Variants in C2orf92 observed in about 807,000 individuals in gnomAD.
The protein encoded by C2orf92 is chromosome 2 open reading frame 92, also known as uncharacterized protein C2orf92.
chr2:97,698,516 A>G (rs1337739970), intron 5 of C2orf92, among the ~76,000 whole-genome samples: 1 of 152,224 alleles, frequency 6.6e-6, no homozygotes, highest in Admixed American at 6.5e-5. Flanking sequence ...TTTTTATAGT[A>G]CTTCGTGTTT....
chr2:97,679,428 G>A (rs150731975), intron 3 of C2orf92, among the ~76,000 whole-genome samples: 144 of 152,302 alleles, frequency 9.5e-4, no homozygotes, highest in Non-Finnish European at 1.6e-3. Flanking sequence ...TACTATTCAA[G>A]CTAAGTTGTT....
intron 3 of C2orf92, 73 bp downstream of exon 3, chr2:97,676,001 A>T (rs1675565244): frequency 1.0e-5 from 4 of 398,786 alleles, no homozygotes; most frequent in South Asian, 2.6e-4. Flanking sequence ...GTTGTCTCTC[A>T]AGTAGCCTGT....
At chr2:97,694,563 A>G (rs570115488) in intron 5 of C2orf92, 1 of 152,014 alleles carries the variant, frequency 6.6e-6, no homozygotes, top group Admixed American at 6.6e-5. Context: ...CCCGGCCCAG[A>G]ATGTCCTTTC....
At chr2:97,693,519 G>A (rs138762770) in intron 5 of C2orf92, among the ~76,000 whole-genome samples, 154 of 152,300 alleles carry the variant, frequency 1.0e-3, no homozygotes, top group African/African-American at 3.5e-3. Context: ...AAGAATGGGT[G>A]CTGAATTTTT....
chr2:97,694,251 T>TC (rs1266966779), intron 5 of C2orf92, among the ~76,000 whole-genome samples: 4 of 150,752 alleles, frequency 2.7e-5, no homozygotes, highest in Non-Finnish European at 4.4e-5. Flanking sequence ...TTTCTTTCTT[T>TC]TTTTTTTTTT....
At chr2:97,702,386 C>A (rs1456342505) in intron 7 of C2orf92, among the ~76,000 whole-genome samples, 1 of 152,184 alleles carries the variant, frequency 6.6e-6, no homozygotes, top group Admixed American at 6.5e-5. Context: ...CCTCCATGCC[C>A]CTTGAGATGC....
rs1246659254 is a variant in C2orf92, at chr2:97,699,035, C to T, written c.413C>T (p.Ser138Leu). 3 of 398,322 alleles carry T rather than the reference C, an allele frequency of 7.5e-6. No homozygotes were observed. The Admixed American group carries it at 1.3e-4, about 18-fold the overall frequency. 24.7% of individuals were successfully genotyped at this position (398,322 alleles called of 1,614,324 possible). ...VDKIPDKDHLSEEKNFKESCL... is the reference protein window; with the variant it reads ...VDKIPDKDHLLEEKNFKESCL... ...ATTTTATCTTTTGTAGATCACCTTT[C>T]AGAGGAGAAGAATTTTAAAGAATCC... Residue 138 changes from serine to leucine, a missense_variant, in exon 6 of 8, where the codon TCA becomes TTA. Physicochemically the swap from Ser to Leu is moderately radical, Grantham distance 145. Transcript: ENST00000627399.
chr2:97,678,347 C>T (rs1408280523), intron 3 of C2orf92, among the ~76,000 whole-genome samples: 1 of 149,544 alleles, frequency 6.7e-6, no homozygotes, highest in Non-Finnish European at 1.5e-5. Context: ...CTAAAATATA[C>T]ATTATGGGAG....
At chr2:97,686,252 A>T (rs1675956667) in intron 3 of C2orf92, among the ~76,000 whole-genome samples, 4 of 152,196 alleles carry the variant, frequency 2.6e-5, no homozygotes, top group Admixed American at 2.6e-4. Flanking sequence ...TTCCTGTGAT[A>T]ACCATATTAA....
intron 6 of C2orf92, among the ~76,000 whole-genome samples, chr2:97,699,617 A>C (rs1323543601): frequency 6.6e-6 from 1 of 152,126 alleles, no homozygotes; most frequent in Non-Finnish European, 1.5e-5. Flanking sequence ...AAAAATAAAT[A>C]AATAAATAAA....
chr2:97,679,932 A>G (rs1043543425), intron 3 of C2orf92, among the ~76,000 whole-genome samples: 7 of 152,188 alleles, frequency 4.6e-5, no homozygotes, highest in African/African-American at 1.7e-4. Flanking sequence ...TAATGGGGGA[A>G]TGACGAGCAA....
At chr2:97,688,833 G>A in intron 3 of C2orf92, 62 bp from the exon 4 acceptor site, 1 of 398,364 alleles carries the variant, frequency 2.5e-6, no homozygotes, top group Non-Finnish European at 4.4e-6. Flanking sequence ...TAGGTACTTA[G>A]AGAGCAAAAT....
chr2:97,693,937 C>T (rs993355649), intron 5 of C2orf92, among the ~76,000 whole-genome samples: 1 of 152,128 alleles, frequency 6.6e-6, no homozygotes, highest in Non-Finnish European at 1.5e-5. Context: ...CCATCTTAAC[C>T]ATTTTTAAGG....
At chr2:97,689,330 CCTAA>C (rs1276680817) in intron 4 of C2orf92, among the ~76,000 whole-genome samples, 1 of 152,208 alleles carries the variant, frequency 6.6e-6, no homozygotes, top group Non-Finnish European at 1.5e-5. Context: ...CCAGCAGCAT[CCTAA>C]CTTTCAACCC....
chr2:97,684,031 A>ATTTTTT (rs1204247684), intron 3 of C2orf92, among the ~76,000 whole-genome samples: 2 of 107,196 alleles, frequency 1.9e-5, no homozygotes, highest in Non-Finnish European at 3.8e-5. Context: ...TGCCCAGCTA[A>ATTTTTT]TTTTTTTTTT....
rs534610143 is a variant in C2orf92, at chr2:97,701,470, G to T, written c.665+166G>T. Among the ~76,000 whole-genome samples the T allele has an allele frequency of 2.0e-5, 3 of 152,298 alleles. No homozygotes were observed. In the South Asian group the frequency reaches 6.2e-4, roughly 32 times the overall value. ...CTCTGTCAAAGCACACAGGACCTGG[G>T]CCATGGGTTTTCGGCACAGCCTGGG... On this transcript the variant is annotated intron_variant, in intron 7 of 7. Coordinates refer to ENST00000627399, the MANE Select transcript of C2orf92 (RefSeq NM_001351368.2).
intron 3 of C2orf92, among the ~76,000 whole-genome samples, chr2:97,676,247 C>G (rs934501128): frequency 1.3e-5 from 2 of 151,844 alleles, no homozygotes; most frequent in Admixed American, 1.3e-4. Flanking sequence ...GCCTGGCCAA[C>G]ATGGTGAAAC....
At chr2:97,687,273 G>A (rs1240942237) in intron 3 of C2orf92, among the ~76,000 whole-genome samples, 2 of 152,122 alleles carry the variant, frequency 1.3e-5, no homozygotes, top group African/African-American at 2.4e-5. Context: ...AGGCTGAGGC[G>A]GGAGGATTGC....
At chr2:97,674,691 G>T in intron 2 of C2orf92, 134 bp downstream of exon 2, 1 of 394,918 alleles carries the variant, frequency 2.5e-6, no homozygotes, top group Non-Finnish European at 4.5e-6. Context: ...GCCAAACTGA[G>T]ATGTGAAGAA....
Sources: allele counts gnomAD v4.1 joint callset (sites outside exome capture counted in the v4.1 genomes callset), GRCh38; gene constraint gnomAD v4.1.1; transcripts MANE v1.5; gene names NCBI Gene and HGNC (gene_info 2026-07-23, HGNC 2026-07-21).